The following MCTP2 variants were observed in gnomAD, a reference collection of about 807,000 sequenced individuals.
The protein encoded by MCTP2 is multiple C2 and transmembrane domain-containing protein 2.
Under a neutral mutation model 111.6 loss-of-function variants are expected in MCTP2, and 132 were observed. That is an observed-to-expected ratio of 1.18 (90% CI 1.03 to 1.37). The LOEUF is 1.37. Among genes scored for constraint, MCTP2 ranks in the 40% most tolerant of loss-of-function variants. MCTP2 has a pLI of 0.00. For missense variants in MCTP2, 1,183 were observed against 1,067.9 expected, an observed-to-expected ratio of 1.11 and a Z score of -1.50; for synonymous variants, 395 against 387.7, an observed-to-expected ratio of 1.02 and a Z score of -0.22.
chr15:94,284,147 T>C (rs1193171025), intron 1 of MCTP2, among the ~76,000 whole-genome samples: 1 of 152,200 alleles, frequency 6.6e-6, no homozygotes, highest in Non-Finnish European at 1.5e-5. Flanking sequence ...CTCTGAGGTA[T>C]GGTGTTTCTC....
At chr15:94,364,314 C>T (rs11074269) in intron 10 of MCTP2, among the ~76,000 whole-genome samples, 20,721 of 151,966 alleles carry the variant, frequency 0.14, 1,671 homozygotes, top group African/African-American at 0.19. Flanking sequence ...AATTATTAGC[C>T]CCTCACACCT....
At chr15:94,265,612 G>A (rs1287183012) in intron 1 of MCTP2, among the ~76,000 whole-genome samples, 2 of 152,072 alleles carry the variant, frequency 1.3e-5, no homozygotes, top group African/African-American at 4.8e-5. Flanking sequence ...ATTAAAAGAA[G>A]GATGACTGTT....
intron 9 of MCTP2, 66 bp from the exon 10 acceptor site, chr15:94,358,416 T>C: frequency 1.4e-6 from 2 of 1,430,204 alleles, no homozygotes; most frequent in Middle Eastern, 1.8e-4. Flanking sequence ...ATGAAATTAA[T>C]GTGTAGCTTC....
chr15:94,243,001 CTACACATACACGTGTA>C (rs2071126800), intron 1 of MCTP2, among the ~76,000 whole-genome samples: 1 of 76,020 alleles, frequency 1.3e-5, no homozygotes, highest in Non-Finnish European at 2.9e-5. Context: ...ATATGTGTAT[CTACACATACACGTGTA>C]TATGTGTATC....
At chr15:94,336,717 ATG>A (rs534502719) in intron 4 of MCTP2, among the ~76,000 whole-genome samples, 49 of 147,290 alleles carry the variant, frequency 3.3e-4, no homozygotes, top group African/African-American at 1.1e-3. Flanking sequence ...ATATATATGT[ATG>A]TGTATATTTA....
rs760633548 is a variant in MCTP2 at position 94,257,569 on chromosome 15, G to GTTTTTTTT, written c.-66+25933_-66+25940dup. Among the ~76,000 whole-genome samples, 308 of 33,714 alleles carry GTTTTTTTT rather than the reference G, an allele frequency of 9.1e-3. 51 individuals are homozygous for GTTTTTTTT. The highest frequency in any genetic ancestry group is 0.011 in the Non-Finnish European group (204 of 18,240). The allele number at this position is 33,714 out of a possible 152,430, so 22.1% of individuals were successfully genotyped here. The stretch of plus-strand genomic sequence containing the variant: ...AATATTTGTTGTCATTTTCTTTGTT[G>GTTTTTTTT]TTTTTTTTTTTTTTTTTTTTTTTTT... On this transcript the variant is annotated intron_variant, in intron 1 of 22. Coordinates refer to ENST00000357742, the MANE Select transcript of MCTP2 (RefSeq NM_001385001.1).
At chr15:94,309,444 G>A (rs2076031090) in intron 2 of MCTP2, among the ~76,000 whole-genome samples, 1 of 152,106 alleles carries the variant, frequency 6.6e-6, no homozygotes, top group Non-Finnish European at 1.5e-5. Flanking sequence ...TTCTGGATGT[G>A]GGTTTATGTT....
At chr15:94,364,255 T>G (rs953236495) in intron 10 of MCTP2, among the ~76,000 whole-genome samples, 1 of 152,120 alleles carries the variant, frequency 6.6e-6, no homozygotes, top group Non-Finnish European at 1.5e-5. Flanking sequence ...CAAGGGCTGA[T>G]TTTAGTAGTT....
chr15:94,345,218 A>C, intron 8 of MCTP2, 54 bp downstream of exon 8: 1 of 1,542,756 alleles, frequency 6.5e-7, no homozygotes, highest in Non-Finnish European at 8.9e-7. Flanking sequence ...TTGTCTTTGT[A>C]GCAAACAAAA....
At chr15:94,295,662 C>T (rs1299546096) in intron 1 of MCTP2, among the ~76,000 whole-genome samples, 2 of 152,144 alleles carry the variant, frequency 1.3e-5, no homozygotes, top group Non-Finnish European at 2.9e-5. Flanking sequence ...ATATTACTTT[C>T]TTTACAACGG....
At chr15:94,440,435 C>T (rs912731499) in intron 18 of MCTP2, 137 bp downstream of exon 18, 5 of 985,196 alleles carry the variant, frequency 5.1e-6, no homozygotes, top group African/African-American at 4.9e-5. Flanking sequence ...ACTCATTTTG[C>T]AGTGGAGGTC....
chr15:94,328,018 T>G (rs1050898705), intron 4 of MCTP2, among the ~76,000 whole-genome samples: 3 of 152,216 alleles, frequency 2.0e-5, no homozygotes, highest in African/African-American at 7.2e-5. Context: ...GTAAGAAAAT[T>G]GCCTTACACC....
chr15:94,321,670 G>T (rs1205559163), intron 4 of MCTP2, among the ~76,000 whole-genome samples: 2 of 152,126 alleles, frequency 1.3e-5, no homozygotes, highest in Non-Finnish European at 2.9e-5. Context: ...TTAGCATAGG[G>T]TTTTTAAAAT....
chr15:94,448,616 C>G (rs2084263309), intron 19 of MCTP2, among the ~76,000 whole-genome samples: 1 of 152,128 alleles, frequency 6.6e-6, no homozygotes, highest in African/African-American at 2.4e-5. Flanking sequence ...CACGTATTCC[C>G]AAATCCCAAA....
chr15:94,305,599 G>A (rs2075842216), intron 2 of MCTP2, among the ~76,000 whole-genome samples: 1 of 152,192 alleles, frequency 6.6e-6, no homozygotes, highest in South Asian at 2.1e-4. Context: ...CTCTTGAAGA[G>A]TAGAAATGTC....
At chr15:94,342,009 A>G (rs2152405568) in intron 7 of MCTP2, 1 of 152,264 alleles carries the variant, frequency 6.6e-6, no homozygotes, top group Admixed American at 6.5e-5. Flanking sequence ...AGTGTCAGTG[A>G]TACAGTAGGT....
chr15:94,257,566 GTTGTTTTTTTTTTTTTTTTTTTTTT>G (rs1421232829), intron 1 of MCTP2, among the ~76,000 whole-genome samples: 2 of 73,006 alleles, frequency 2.7e-5, no homozygotes, highest in Non-Finnish European at 5.3e-5. Context: ...CATTTTCTTT[GTTGTTTTTTTTTTTTTTTTTTTTTT>G]TTTTTTTTTT....
At chr15:94,466,411 A>AC (rs1338894036) in intron 20 of MCTP2, among the ~76,000 whole-genome samples, 1 of 152,126 alleles carries the variant, frequency 6.6e-6, no homozygotes, top group Non-Finnish European at 1.5e-5. Context: ...CCCAGGACCT[A>AC]CCAATCTAGG....
At chr15:94,428,920 G>C (rs539664769) in intron 17 of MCTP2, among the ~76,000 whole-genome samples, 1 of 152,034 alleles carries the variant, frequency 6.6e-6, no homozygotes, top group South Asian at 2.1e-4. Flanking sequence ...CCTCAGGTAA[G>C]CATGGCTCCA....
Sources: allele counts gnomAD v4.1 joint callset (sites outside exome capture counted in the v4.1 genomes callset), GRCh38; gene constraint gnomAD v4.1.1; transcripts MANE v1.5; gene names NCBI Gene and HGNC (gene_info 2026-07-23, HGNC 2026-07-21).